Variants in C10orf105 observed in about 807,000 individuals in gnomAD.
C10orf105 encodes the protein uncharacterized protein C10orf105.
A neutral mutation model predicts 0.6 loss-of-function variants in C10orf105; 2 were observed. The observed-to-expected ratio is 3.18, with a 90% CI of 1.30 to 10.01. The LOEUF (loss-of-function observed/expected upper bound fraction) is 10.01, where lower values mean the gene tolerates loss of function less well. Ranked by LOEUF, C10orf105 falls within the 30% of genes most tolerant of loss-of-function variation. C10orf105 has a pLI of 0.04. For synonymous variants in C10orf105, 95 were observed against 82.4 expected (o/e 1.15, Z -0.83); for missense variants, 209 against 191.4 (o/e 1.09, Z -0.54).
chr10:71,730,686 T>G (rs867770460), intron 1 of C10orf105: 1 of 1,565,146 alleles, frequency 6.4e-7, no homozygotes, highest in Middle Eastern at 2.0e-4. Context: ...TTCGAAACGG[T>G]CATCCCTGAT....
intron 1 of C10orf105, among the ~76,000 whole-genome samples, chr10:71,736,409 C>T (rs1169463049): frequency 6.6e-6 from 1 of 152,226 alleles, no homozygotes; most frequent in East Asian, 1.9e-4. Context: ...CCTCCCTGTC[C>T]CCAGCAGCCC....
upstream of C10orf105, among the ~76,000 whole-genome samples, chr10:71,720,420 AACACAC>A (rs57346519): frequency 4.1e-5 from 6 of 145,750 alleles, no homozygotes; most frequent in African/African-American, 1.3e-4. Flanking sequence ...CTCTTTCCAA[AACACAC>A]ACACACACAC....
At chr10:71,732,184 A>G (rs760560600) in intron 1 of C10orf105, 1 of 1,613,922 alleles carries the variant, frequency 6.2e-7, no homozygotes, top group Non-Finnish European at 8.5e-7. Context: ...CACTCTGCTC[A>G]ACGAGCTGGA....
At chr10:71,736,303 G>A (rs1188275382) in intron 1 of C10orf105, among the ~76,000 whole-genome samples, 5 of 152,232 alleles carry the variant, frequency 3.3e-5, no homozygotes, top group Non-Finnish European at 5.9e-5. Flanking sequence ...CACTGTTTGA[G>A]GTGCTAGGGT....
chr10:71,728,133 G>A (rs1866897343), intron 1 of C10orf105, among the ~76,000 whole-genome samples: 1 of 152,120 alleles, frequency 6.6e-6, no homozygotes, highest in Non-Finnish European at 1.5e-5. Context: ...TTTTGCAAGA[G>A]GAGTGGTTAG....
Position 71,713,428 on chromosome 10 carries a change from G to T in C10orf105, c.*2508C>A. 1 of 608,306 alleles carries T rather than the reference G, an allele frequency of 1.6e-6. No individual in the cohort carries two copies. 37.7% of individuals were successfully genotyped at this position (608,306 alleles called of 1,614,324 possible). ...TTACCAACTATGGGGTTTCCGACTC[G>T]GAGGCTGAGCCAAACAGGGAATCTG... is the stretch of plus-strand genomic sequence containing the variant. On this transcript the variant is annotated 3_prime_UTR_variant, in exon 2 of 2. Transcript: ENST00000441508.
Position 71,732,250 on chromosome 10 carries a change from G to T in C10orf105, c.-6+5478C>A, listed in dbSNP as rs745409129. On this transcript the variant is annotated intron_variant, in intron 1 of 1. Transcript: ENST00000398786. ...CGAGGCTGCCATCCTGGAGAATCTG[G>T]CACTGGGTACTGAGATTGTGCGGGT... is the stretch of plus-strand genomic sequence containing the variant. The T allele has an allele frequency of 1.2e-6, 2 of 1,613,604 alleles. No homozygotes were observed. The highest frequency in any genetic ancestry group is 4.5e-5 in the East Asian group (2 of 44,886).
At chr10:71,719,098 A>T (rs990629281) in intron 1 of C10orf105, among the ~76,000 whole-genome samples, 1 of 152,092 alleles carries the variant, frequency 6.6e-6, no homozygotes, top group African/African-American at 2.4e-5. Flanking sequence ...AAAATAAAAA[A>T]AAAATAAGTG....
intron 1 of C10orf105, among the ~76,000 whole-genome samples, chr10:71,729,617 G>T (rs1269579416): frequency 6.6e-6 from 1 of 152,180 alleles, no homozygotes; most frequent in African/African-American, 2.4e-5. Context: ...AGCCTTAGGG[G>T]CTGGGAGCTG....
At chr10:71,737,142 T>C (rs145381164) in intron 1 of C10orf105, among the ~76,000 whole-genome samples, 5 of 152,220 alleles carry the variant, frequency 3.3e-5, no homozygotes, top group Admixed American at 1.3e-4. Context: ...CCATTTCAAA[T>C]GGGCGGACTG....
intron 1 of C10orf105, chr10:71,732,636 CAAAG>C: frequency 7.2e-7 from 1 of 1,392,630 alleles, no homozygotes; most frequent in Non-Finnish European, 9.3e-7. Context: ...TTGTCTCTTA[CAAAG>C]AAACAAAAAA....
At chr10:71,728,601 C>T (rs988761668) in intron 1 of C10orf105, among the ~76,000 whole-genome samples, 1 of 152,176 alleles carries the variant, frequency 6.6e-6, no homozygotes, top group Non-Finnish European at 1.5e-5. Context: ...CATGCAGAGG[C>T]CCCTCCCTTA....
chr10:71,723,510 C>T (rs1238838021), upstream of C10orf105, among the ~76,000 whole-genome samples: 1 of 152,156 alleles, frequency 6.6e-6, no homozygotes, highest in Non-Finnish European at 1.5e-5. Flanking sequence ...GGTGATGGTG[C>T]GTGTGAATGA....
chr10:71,720,074 G>A (rs978284007), upstream of C10orf105, among the ~76,000 whole-genome samples: 16 of 152,308 alleles, frequency 1.1e-4, no homozygotes, highest in Admixed American at 3.3e-4. Flanking sequence ...TGGTATGGTC[G>A]GCGGCAGCCA....
At position 71,712,346 on chromosome 10, in the gene C10orf105, T is replaced by G. The variant is rs987976420; in HGVS notation, c.*3590A>C. 3.4e-4 allele frequency: 91 copies of G among 264,986 alleles called. No homozygotes were observed. Among genetic ancestry groups the G allele is most frequent in the East Asian group, 7.0e-5 (1 of 14,304 alleles). The allele number at this position is 264,986 out of a possible 1,614,324, so 16.4% of individuals were successfully genotyped here. On this transcript the variant is annotated 3_prime_UTR_variant, in exon 2 of 2. Transcript: ENST00000441508. ...GGGTTTAACATGGGTCTGTTTTTTT[T>G]GGGAGCCATCATTCAATCCACTTGA...
upstream of C10orf105, among the ~76,000 whole-genome samples, chr10:71,723,407 C>T (rs529896148): frequency 2.0e-5 from 3 of 150,964 alleles, no homozygotes; most frequent in African/African-American, 7.4e-5. Flanking sequence ...ACAACAACGT[C>T]CCCCCCCACA....
Position 71,713,386 on chromosome 10 carries a change from G to A in C10orf105, c.*2550C>T, listed in dbSNP as rs1475085187. 5.7e-6 allele frequency: 4 copies of A among 707,338 alleles called. No individual in the cohort carries two copies. The highest frequency in any genetic ancestry group is 2.5e-5 in the East Asian group (1 of 39,866). 43.8% of individuals were successfully genotyped at this position (707,338 alleles called of 1,614,324 possible). A position where few individuals can be genotyped will look rare whatever the true frequency, so the allele number is the denominator to read the frequency against. On this transcript the variant is annotated 3_prime_UTR_variant, in exon 2 of 2. Coordinates refer to ENST00000441508, the MANE Select transcript of C10orf105 (RefSeq NM_001164375.3). ...AGTTGCTGGGTGGGGAGGGAGGCCCGGAGTGAATGAGTCTCTTTACCAACT... is the reference window on the plus strand; with the variant it reads ...AGTTGCTGGGTGGGGAGGGAGGCCCAGAGTGAATGAGTCTCTTTACCAACT...
intron 1 of C10orf105, chr10:71,732,699 G>A: frequency 1.5e-6 from 2 of 1,298,230 alleles, no homozygotes; most frequent in Non-Finnish European, 2.0e-6. Flanking sequence ...TCATATGTAG[G>A]AGTAAGATAA....
At chr10:71,726,216 C>G (rs1866803401) in intron 1 of C10orf105, among the ~76,000 whole-genome samples, 1 of 152,124 alleles carries the variant, frequency 6.6e-6, no homozygotes, top group Non-Finnish European at 1.5e-5. Flanking sequence ...ACTCAGCAGC[C>G]CCCAGCCCCT....
Sources: allele counts gnomAD v4.1 joint callset (sites outside exome capture counted in the v4.1 genomes callset), GRCh38; gene constraint gnomAD v4.1.1; transcripts MANE v1.5; gene names NCBI Gene and HGNC (gene_info 2026-07-23, HGNC 2026-07-21).